GSAP: variants seen among roughly 807,000 people sequenced by gnomAD.
GSAP encodes gamma-secretase-activating protein.
In GSAP, 118 loss-of-function variants were observed where a neutral mutation model predicts 131.7. That is an observed-to-expected ratio of 0.90 (90% CI 0.77 to 1.04). GSAP has a LOEUF of 1.04. Among genes scored for constraint, GSAP ranks in the 50% least tolerant of loss-of-function variants. The pLI is 0.00. For missense variants in GSAP, 1,019 were observed against 1,013.2 expected, an observed-to-expected ratio of 1.01 and a Z score of -0.08; for synonymous variants, 381 against 363.4, an observed-to-expected ratio of 1.05 and a Z score of -0.55.
chr7:77,408,700 A>T (rs1352603591), intron 1 of GSAP, among the ~76,000 whole-genome samples: 2 of 150,754 alleles, frequency 1.3e-5, no homozygotes, highest in African/African-American at 2.5e-5. Flanking sequence ...AAAAAAAAAA[A>T]AAAAAAAAAA....
chr7:77,381,668 C>T (rs1171533259), intron 7 of GSAP, among the ~76,000 whole-genome samples: 1 of 152,090 alleles, frequency 6.6e-6, no homozygotes, highest in African/African-American at 2.4e-5. Flanking sequence ...TCCCCTATAC[C>T]ATCAGCGTTA....
intron 3 of GSAP, among the ~76,000 whole-genome samples, chr7:77,402,184 A>AT (rs1268820638): frequency 2.2e-4 from 33 of 149,352 alleles, no homozygotes; most frequent in South Asian, 2.1e-4. Flanking sequence ...CAAGAGAAAG[A>AT]TTTTTTTTTT....
intron 26 of GSAP, among the ~76,000 whole-genome samples, chr7:77,318,866 C>A (rs1388486228): frequency 7.1e-6 from 1 of 141,166 alleles, no homozygotes; most frequent in African/African-American, 2.7e-5. Flanking sequence ...AGGGACTACA[C>A]CCAACAAAAA....
chr7:77,389,238 ATGTG>A (rs1046217036), intron 5 of GSAP, among the ~76,000 whole-genome samples: 46 of 151,094 alleles, frequency 3.0e-4, no homozygotes, highest in Admixed American at 7.3e-4. Flanking sequence ...GTGTGTATGT[ATGTG>A]TGTGTGTATA....
At chr7:77,375,493 G>A (rs181556374) in intron 10 of GSAP, among the ~76,000 whole-genome samples, 6 of 152,180 alleles carry the variant, frequency 3.9e-5, no homozygotes, top group Non-Finnish European at 5.9e-5. Flanking sequence ...GGCAGGAGGG[G>A]TAAGTGCAAT....
chr7:77,317,075 C>T (rs886990241), intron 26 of GSAP, among the ~76,000 whole-genome samples: 2 of 152,094 alleles, frequency 1.3e-5, no homozygotes, highest in Non-Finnish European at 2.9e-5. Flanking sequence ...TGAATTCATA[C>T]AAGCATGCAC....
intron 19 of GSAP, among the ~76,000 whole-genome samples, chr7:77,344,021 C>CCGG (rs1283617736): frequency 2.6e-5 from 4 of 152,300 alleles, no homozygotes; most frequent in African/African-American, 9.6e-5. Context: ...TAATTTTACT[C>CCGG]ACATGCCCGG....
At chr7:77,326,111 GAATA>G in intron 23 of GSAP, 97 bp downstream of exon 23, 1 of 801,338 alleles carries the variant, frequency 1.2e-6, no homozygotes, top group Non-Finnish European at 2.0e-6. Context: ...CTTGTGCAAA[GAATA>G]AAGAATAAGA....
At chr7:77,406,467 G>A (rs1018251405) in intron 1 of GSAP, among the ~76,000 whole-genome samples, 1 of 152,144 alleles carries the variant, frequency 6.6e-6, no homozygotes, top group Non-Finnish European at 1.5e-5. Context: ...TGCATTTTGA[G>A]GATATATCAT....
intron 19 of GSAP, among the ~76,000 whole-genome samples, chr7:77,343,813 C>A (rs1232482974): frequency 1.3e-5 from 2 of 152,164 alleles, no homozygotes; most frequent in Admixed American, 6.5e-5. Flanking sequence ...CATTTCATAA[C>A]CTCTTCCATA....
chr7:77,397,658 G>A (rs759207658), intron 3 of GSAP, among the ~76,000 whole-genome samples: 37 of 152,308 alleles, frequency 2.4e-4, no homozygotes, highest in Non-Finnish European at 4.4e-4. Context: ...GTGGTTAACA[G>A]CATAGACATT....
intron 19 of GSAP, among the ~76,000 whole-genome samples, chr7:77,334,580 T>TA (rs57442782): frequency 0.15 from 12,265 of 81,862 alleles, 1,318 homozygotes; most frequent in Non-Finnish European, 0.17. Context: ...ACTTAAAATT[T>TA]AAAAAAAAAA....
At chr7:77,397,770 A>C (rs909501211) in intron 3 of GSAP, among the ~76,000 whole-genome samples, 1 of 152,228 alleles carries the variant, frequency 6.6e-6, no homozygotes, top group Non-Finnish European at 1.5e-5. Context: ...TTGGTAAAAT[A>C]GGAATCATAA....
intron 19 of GSAP, among the ~76,000 whole-genome samples, chr7:77,346,711 A>G (rs1467157953): frequency 6.9e-6 from 1 of 144,538 alleles, no homozygotes; most frequent in African/African-American, 2.7e-5. Flanking sequence ...CCCTACCTCA[A>G]AAAAAGAAAA....
intron 1 of GSAP, among the ~76,000 whole-genome samples, chr7:77,409,976 C>T (rs922009868): frequency 6.6e-6 from 1 of 152,138 alleles, no homozygotes; most frequent in African/African-American, 2.4e-5. Context: ...CCAGGATATT[C>T]TGATTTTATT....
intron 5 of GSAP, 118 bp from the exon 6 acceptor site, chr7:77,387,566 A>G: frequency 1.6e-6 from 1 of 637,772 alleles, no homozygotes; most frequent in Non-Finnish European, 2.8e-6. Flanking sequence ...TAAACTAATA[A>G]AACAATTCTA....
At chr7:77,390,342 G>A (rs1402408440) in intron 5 of GSAP, among the ~76,000 whole-genome samples, 4 of 152,090 alleles carry the variant, frequency 2.6e-5, no homozygotes, top group Non-Finnish European at 5.9e-5. Context: ...TGGTGTTTTA[G>A]ACATGAAGTC....
At chr7:77,384,748 G>C (rs1156598600) in intron 6 of GSAP, among the ~76,000 whole-genome samples, 1 of 152,080 alleles carries the variant, frequency 6.6e-6, no homozygotes, top group Non-Finnish European at 1.5e-5. Flanking sequence ...AGGGAAATGT[G>C]CTGCTGGAGA....
chr7:77,411,499 G>A (rs548868658), intron 1 of GSAP, among the ~76,000 whole-genome samples: 1 of 152,332 alleles, frequency 6.6e-6, no homozygotes, highest in South Asian at 2.1e-4. Context: ...AACATGTCAT[G>A]TTTTTAAGTG....
Sources: gnomAD v4.1 joint callset for allele counts (sites outside exome capture counted in the v4.1 genomes callset) on GRCh38, gnomAD v4.1.1 for gene constraint, MANE v1.5 for transcripts, NCBI Gene and HGNC (gene_info 2026-07-23, HGNC 2026-07-21) for gene names.